Variants in PPP1R37 observed in about 807,000 individuals in gnomAD.
The protein encoded by PPP1R37 is leucine rich repeat containing 68.
Under a neutral mutation model 61.0 loss-of-function variants are expected in PPP1R37, and 21 were observed. That is an observed-to-expected ratio of 0.34 (90% CI 0.24 to 0.50). The LOEUF is 0.50. PPP1R37 is among the 20% of genes least tolerant of loss of function. The probability of loss-of-function intolerance (pLI) is 0.98; values close to 1 mark genes in which losing one functional copy is unlikely to be tolerated. For synonymous variants in PPP1R37, 443 were observed against 433.5 expected, an observed-to-expected ratio of 1.02 and a Z score of -0.27; for missense variants, 910 against 952.7, an observed-to-expected ratio of 0.96 and a Z score of 0.59.
intron 1 of PPP1R37, among the ~76,000 whole-genome samples, chr19:45,135,779 CTTT>C (rs546534256): frequency 4.7e-5 from 6 of 128,792 alleles, no homozygotes; most frequent in African/African-American, 9.0e-5. Flanking sequence ...TTTGCATTTC[CTTT>C]TTTTTTTTTT....
intron 1 of PPP1R37, among the ~76,000 whole-genome samples, chr19:45,123,028 C>A (rs1437894246): frequency 6.6e-6 from 1 of 152,214 alleles, no homozygotes; most frequent in East Asian, 1.9e-4. Flanking sequence ...TCTTTGTCAT[C>A]TCTGAGACTT....
At position 45,102,883 on chromosome 19, in the gene PPP1R37, T is replaced by C. The variant is rs138105309; in HGVS notation, c.202+9356T>C. 4.0e-3 allele frequency among the ~76,000 whole-genome samples: 612 copies of C among 152,356 alleles called. 5 individuals carry two copies. Among genetic ancestry groups the C allele is most frequent in the Middle Eastern group, 0.037 (11 of 294 alleles). On this transcript the variant is annotated intron_variant, in intron 1 of 12. Coordinates refer to ENST00000221462, the MANE Select transcript of PPP1R37 (RefSeq NM_019121.2). ...CAGCACCTCCAGGGCTGAGCCCACG[T>C]CAGGCTCCTGGGCTGGAGCCACACA...
At chr19:45,120,232 T>G (rs748001732) in intron 1 of PPP1R37, among the ~76,000 whole-genome samples, 1 of 152,112 alleles carries the variant, frequency 6.6e-6, no homozygotes, top group East Asian at 1.9e-4. Context: ...TTAGCCAGGA[T>G]GGTCTCGATC....
At position 45,117,288 on chromosome 19, in the gene PPP1R37, CAGAG is replaced by C. The variant is rs765964756; in HGVS notation, c.203-21225_203-21222del. The stretch of plus-strand genomic sequence containing the variant: ...AGCTGCAGGAGGGGAGGGAAGCTGT[CAGAG>C]GGAGGGAAGAGCAGTTGCAGACCCG... On this transcript the variant is annotated intron_variant, in intron 1 of 12. Transcript: ENST00000221462. Among the ~76,000 whole-genome samples the C allele has an allele frequency of 2.7e-4, 41 of 152,044 alleles. 2 individuals are homozygous for C. The highest frequency in any genetic ancestry group is 1.2e-3 in the East Asian group (6 of 5,186).
intron 1 of PPP1R37, among the ~76,000 whole-genome samples, chr19:45,094,938 A>C (rs62118461): frequency 1.7e-3 from 263 of 152,278 alleles, no homozygotes; most frequent in Middle Eastern, 3.4e-3. Context: ...TGGGACATGC[A>C]GGGCAGTGTT....
At chr19:45,103,231 G>A (rs1245752083) in intron 1 of PPP1R37, among the ~76,000 whole-genome samples, 3 of 152,210 alleles carry the variant, frequency 2.0e-5, no homozygotes, top group Non-Finnish European at 4.4e-5. Context: ...AGCTGGTACT[G>A]AGCGGTTGCC....
At chr19:45,142,859 C>T (rs1186088563) in intron 7 of PPP1R37, 2 of 208,704 alleles carry the variant, frequency 9.6e-6, no homozygotes, top group Non-Finnish European at 1.9e-5. Context: ...GGCTTCCATC[C>T]GGAGGCTGGG....
Position 45,145,683 on chromosome 19 carries a change from A to C in PPP1R37, c.1627A>C (p.Arg543=), listed in dbSNP as rs952317569. The change falls in exon 11 of 13, where the codon AGG becomes CGG. Residue 543 remains arginine (R), a synonymous_variant. Transcript: ENST00000221462. ...PPTDSLGPGD[R]SPPGSPSTPT... is the part of the protein sequence containing the mutation. ...CACGGACTCCCTGGGCCCTGGGGAC[A>C]GGAGTCCCCCAGGCAGCCCCTCCAC... 7.8e-5 allele frequency: 119 copies of C among 1,534,338 alleles called. No homozygotes were observed. Among genetic ancestry groups the C allele is most frequent in the Non-Finnish European group, 1.0e-4 (117 of 1,146,026 alleles).
intron 8 of PPP1R37, 186 bp from the exon 9 acceptor site, chr19:45,144,668 T>A: frequency 1.8e-6 from 1 of 555,792 alleles, no homozygotes; most frequent in Non-Finnish European, 3.1e-6. Flanking sequence ...TGGGGAGACT[T>A]CAGGCACAGG....
chr19:45,123,943 A>G (rs1968371298), intron 1 of PPP1R37, among the ~76,000 whole-genome samples: 1 of 151,424 alleles, frequency 6.6e-6, no homozygotes, highest in South Asian at 2.1e-4. Flanking sequence ...TTCAGGGTCT[A>G]CTGCAGTGGC....
At chr19:45,096,931 T>A (rs1288606443) in intron 1 of PPP1R37, among the ~76,000 whole-genome samples, 1 of 151,388 alleles carries the variant, frequency 6.6e-6, no homozygotes, top group African/African-American at 2.4e-5. Flanking sequence ...GAGGGGTCAT[T>A]GGTGAAGTTG....
intron 2 of PPP1R37, among the ~76,000 whole-genome samples, chr19:45,138,905 CTTTTT>C (rs34081163): frequency 2.7e-5 from 2 of 73,052 alleles, no homozygotes; most frequent in African/African-American, 5.4e-5. Context: ...TTTATGTATT[CTTTTT>C]TTTTTTTTTT....
At chr19:45,127,919 GA>G (rs1477979803) in intron 1 of PPP1R37, among the ~76,000 whole-genome samples, 1 of 148,636 alleles carries the variant, frequency 6.7e-6, no homozygotes, top group Non-Finnish European at 1.5e-5. Flanking sequence ...AGGTTGCAGT[GA>G]GCCGAGATCG....
chr19:45,101,098 C>T (rs752772832), intron 1 of PPP1R37, among the ~76,000 whole-genome samples: 8 of 152,200 alleles, frequency 5.3e-5, no homozygotes, highest in Admixed American at 2.6e-4. Flanking sequence ...GAGGGAGACA[C>T]ACAGTAAAGA....
At chr19:45,129,691 CT>C (rs1968452160) in intron 1 of PPP1R37, among the ~76,000 whole-genome samples, 1 of 152,166 alleles carries the variant, frequency 6.6e-6, no homozygotes, top group Admixed American at 6.5e-5. Flanking sequence ...GTCTGGTCCC[CT>C]GTTCCCCATG....
At chr19:45,129,691 C>T (rs1317344345) in intron 1 of PPP1R37, among the ~76,000 whole-genome samples, 1 of 152,166 alleles carries the variant, frequency 6.6e-6, no homozygotes, top group African/African-American at 2.4e-5. Context: ...GTCTGGTCCC[C>T]TGTTCCCCAT....
intron 1 of PPP1R37, among the ~76,000 whole-genome samples, chr19:45,101,635 T>G (rs1349466487): frequency 1.3e-5 from 2 of 152,198 alleles, no homozygotes; most frequent in Admixed American, 6.5e-5. Context: ...GAAGGATCAC[T>G]TGAGTCCAGG....
chr19:45,098,343 G>A (rs138137383), intron 1 of PPP1R37, among the ~76,000 whole-genome samples: 5 of 152,182 alleles, frequency 3.3e-5, no homozygotes, highest in African/African-American at 4.8e-5. Flanking sequence ...CCTGAGGCTC[G>A]GCTGGTCTCC....
At chr19:45,106,159 C>T (rs891982367) in intron 1 of PPP1R37, among the ~76,000 whole-genome samples, 4 of 152,182 alleles carry the variant, frequency 2.6e-5, no homozygotes, top group African/African-American at 7.2e-5. Flanking sequence ...CAGAGAGGGG[C>T]GGCACTTACC....
Sources: allele counts gnomAD v4.1 joint callset (sites outside exome capture counted in the v4.1 genomes callset), GRCh38; gene constraint gnomAD v4.1.1; transcripts MANE v1.5; gene names NCBI Gene and HGNC (gene_info 2026-07-23, HGNC 2026-07-21).